Variants in RBFOX1 observed in about 807,000 individuals in gnomAD.
The protein encoded by RBFOX1 is RNA binding fox-1 homolog 1, also known as RNA binding protein fox-1 homolog 1.
Under a neutral mutation model 57.7 loss-of-function variants are expected in RBFOX1, and 8 were observed. The ratio of observed to expected loss-of-function variants is 0.14; its 90% CI spans 0.08 to 0.25. RBFOX1 has a LOEUF of 0.25. Ranked by LOEUF, RBFOX1 falls within the 10% of genes least tolerant of loss-of-function variation. The probability of loss-of-function intolerance (pLI) is 1.00; values close to 1 mark genes in which losing one functional copy is unlikely to be tolerated. For synonymous variants in RBFOX1, 326 were observed against 222.4 expected (o/e 1.47, Z -4.15); for missense variants, 611 against 548.5 (o/e 1.11, Z -1.14).
intron 3 of RBFOX1, among the ~76,000 whole-genome samples, chr16:6,993,213 G>A (rs1162743685): frequency 7.5e-6 from 1 of 132,816 alleles, no homozygotes; most frequent in Admixed American, 7.3e-5. Flanking sequence ...ATTGATAGCT[G>A]TGCAATGACT....
intron 3 of RBFOX1, among the ~76,000 whole-genome samples, chr16:6,660,465 C>A (rs2098694172): frequency 6.6e-6 from 1 of 151,926 alleles, no homozygotes; most frequent in Admixed American, 6.6e-5. Flanking sequence ...AGTCACTTGC[C>A]CAGGATTATT....
At chr16:5,642,629 C>G (rs2048918504) in intron 3 of RBFOX1, among the ~76,000 whole-genome samples, 1 of 152,142 alleles carries the variant, frequency 6.6e-6, no homozygotes, top group South Asian at 2.1e-4. Flanking sequence ...TCCCCAGCCA[C>G]CCAGCCTCAT....
intron 2 of RBFOX1, among the ~76,000 whole-genome samples, chr16:6,400,998 C>A (rs1205835002): frequency 6.6e-6 from 1 of 152,130 alleles, no homozygotes; most frequent in Non-Finnish European, 1.5e-5. Context: ...TATAGAAATA[C>A]ACAAAACTTG....
At chr16:7,239,535 A>G (rs945968929) in intron 4 of RBFOX1, among the ~76,000 whole-genome samples, 1 of 152,130 alleles carries the variant, frequency 6.6e-6, no homozygotes, top group Non-Finnish European at 1.5e-5. Context: ...ATCGGCTGGG[A>G]TGATACCTCA....
At chr16:5,412,805 A>G (rs1217701090) in intron 1 of RBFOX1, among the ~76,000 whole-genome samples, 1 of 152,194 alleles carries the variant, frequency 6.6e-6, no homozygotes, top group African/African-American at 2.4e-5. Flanking sequence ...ACACATATCC[A>G]CCAAGCCTGT....
chr16:6,168,511 C>G (rs2096934428), intron 1 of RBFOX1, among the ~76,000 whole-genome samples: 1 of 152,186 alleles, frequency 6.6e-6, no homozygotes, highest in Non-Finnish European at 1.5e-5. Context: ...TATAGCAATT[C>G]AACCTTGAAA....
chr16:5,424,848 T>C (rs983060185), intron 1 of RBFOX1, among the ~76,000 whole-genome samples: 1 of 150,274 alleles, frequency 6.7e-6, no homozygotes, highest in Non-Finnish European at 1.5e-5. Flanking sequence ...TTTCTTTCTT[T>C]CTCTCTCTCT....
intron 3 of RBFOX1, among the ~76,000 whole-genome samples, chr16:6,847,171 G>A (rs375073840): frequency 4.6e-5 from 7 of 152,232 alleles, no homozygotes; most frequent in East Asian, 1.9e-4. Context: ...AGCAACTCAA[G>A]CCCTCACTTC....
intron 4 of RBFOX1, among the ~76,000 whole-genome samples, chr16:7,506,538 T>C (rs2073357215): frequency 6.6e-6 from 1 of 152,198 alleles, no homozygotes; most frequent in African/African-American, 2.4e-5. Flanking sequence ...TTTTCCTCGT[T>C]ACCAGACATC....
intron 1 of RBFOX1, among the ~76,000 whole-genome samples, chr16:6,160,029 G>T (rs1212003661): frequency 6.6e-6 from 1 of 152,082 alleles, no homozygotes; most frequent in African/African-American, 2.4e-5. Context: ...ACCTGTGATT[G>T]TTCTTACCTT....
intron 1 of RBFOX1, among the ~76,000 whole-genome samples, chr16:5,446,985 T>A (rs758046641): frequency 6.6e-6 from 1 of 152,168 alleles, no homozygotes; most frequent in African/African-American, 2.4e-5. Flanking sequence ...GTCAATGGGA[T>A]AAGTGATCTG....
intron 1 of RBFOX1, among the ~76,000 whole-genome samples, chr16:6,275,627 C>T (rs1256733324): frequency 1.3e-5 from 2 of 152,072 alleles, no homozygotes; most frequent in East Asian, 1.9e-4. Flanking sequence ...ATATTTATTT[C>T]CATTGTGTAC....
chr16:5,566,123 AC>A (rs1252339529), intron 2 of RBFOX1, among the ~76,000 whole-genome samples: 2 of 151,876 alleles, frequency 1.3e-5, no homozygotes, highest in African/African-American at 4.8e-5. Context: ...AGTCCATTAA[AC>A]CTTTTTTTCT....
chr16:6,914,939 T>C (rs957892341), intron 3 of RBFOX1, among the ~76,000 whole-genome samples: 1 of 152,172 alleles, frequency 6.6e-6, no homozygotes, highest in African/African-American at 2.4e-5. Context: ...ACATAACTTT[T>C]AGAGAAGTAA....
chr16:6,445,678 GTTC>G (rs1377967811), intron 2 of RBFOX1, among the ~76,000 whole-genome samples: 2 of 151,498 alleles, frequency 1.3e-5, no homozygotes, highest in African/African-American at 4.9e-5. Flanking sequence ...CACCCCCTGG[GTTC>G]AAGCGATTCT....
chr16:5,525,360 G>A (rs757783341), intron 2 of RBFOX1, among the ~76,000 whole-genome samples: 2 of 151,982 alleles, frequency 1.3e-5, no homozygotes, highest in Non-Finnish European at 2.9e-5. Flanking sequence ...TCTGTGAGCT[G>A]GGTTGTTTTA....
chr16:6,173,507 C>G (rs985091786), intron 1 of RBFOX1, among the ~76,000 whole-genome samples: 11 of 151,304 alleles, frequency 7.3e-5, no homozygotes, highest in African/African-American at 2.7e-4. Flanking sequence ...GATATTGTTT[C>G]TAGATGCTTA....
intron 3 of RBFOX1, among the ~76,000 whole-genome samples, chr16:5,650,034 A>G (rs1391272054): frequency 6.6e-6 from 1 of 152,212 alleles, no homozygotes; most frequent in Non-Finnish European, 1.5e-5. Flanking sequence ...TACATGAAGC[A>G]TTGGCCGTCT....
chr16:6,926,167 C>T (rs761988628), intron 3 of RBFOX1, among the ~76,000 whole-genome samples: 1 of 152,022 alleles, frequency 6.6e-6, no homozygotes. Flanking sequence ...ACTAGCTGGG[C>T]ATGGTGGTGT....
Sources: gnomAD v4.1 joint callset for allele counts (sites outside exome capture counted in the v4.1 genomes callset) on GRCh38, gnomAD v4.1.1 for gene constraint, MANE v1.5 for transcripts, NCBI Gene and HGNC (gene_info 2026-07-23, HGNC 2026-07-21) for gene names.